ZC3H7B: variants seen among roughly 807,000 people sequenced by gnomAD.
ZC3H7B encodes zinc finger CCCH-type containing 7B, also known as zinc finger CCCH domain-containing protein 7B.
A neutral mutation model predicts 116.0 loss-of-function variants in ZC3H7B; 35 were observed. The ratio of observed to expected loss-of-function variants is 0.30; its 90% confidence interval spans 0.23 to 0.40. ZC3H7B has a LOEUF of 0.40. ZC3H7B is among the 10% of genes least tolerant of loss of function. The pLI is 1.00. For synonymous variants in ZC3H7B, 502 were observed against 545.6 expected (o/e 0.92, Z 1.11); for missense variants, 1,011 against 1,321.5 (o/e 0.77, Z 3.64).
chr22:41,353,695 C>G (rs1053433722), intron 17 of ZC3H7B, among the ~76,000 whole-genome samples: 2 of 152,248 alleles, frequency 1.3e-5, no homozygotes, highest in African/African-American at 4.8e-5. Flanking sequence ...TGGCAGGGAG[C>G]AGGGCAGGCT....
chr22:41,331,993 G>A (rs2036389616), intron 6 of ZC3H7B, among the ~76,000 whole-genome samples, 178 bp from the exon 7 acceptor site: 1 of 152,112 alleles, frequency 6.6e-6, no homozygotes, highest in East Asian at 1.9e-4. Context: ...GAAAACCCCA[G>A]AATCTGACCC....
chr22:41,355,993 G>T lies in ZC3H7B; in HGVS notation c.2314G>T (p.Val772Leu). ...HAQNGRKCQY[V>L]GNCSFAHSPE... is the part of the protein sequence containing the mutation. ...ACAGAACGGCCGCAAGTGCCAATATGTGGGGAACTGCTCCTTCGCACACAG... is the reference window on the plus strand; with the variant it reads ...ACAGAACGGCCGCAAGTGCCAATATTTGGGGAACTGCTCCTTCGCACACAG... The change falls in exon 20 of 23, where the codon GTG (valine) becomes TTG (leucine). Residue 772 changes from valine to leucine, a missense_variant. This residue lies in a region of ZC3H7B where 406 missense variants were observed against 590.2 expected (regional missense o/e 0.69). Coordinates refer to ENST00000352645, the MANE Select transcript of ZC3H7B (RefSeq NM_017590.6). The T allele has an allele frequency of 1.9e-6, 3 of 1,566,302 alleles. No homozygotes were observed. In the East Asian group the frequency reaches 6.7e-5, roughly 35 times the overall value.
chr22:41,317,269 G>A (rs561880414), intron 1 of ZC3H7B, among the ~76,000 whole-genome samples: 5 of 152,230 alleles, frequency 3.3e-5, no homozygotes, highest in South Asian at 2.1e-4. Flanking sequence ...ATGAGCCACC[G>A]TGCCCGGCCA....
chr22:41,357,544 G>T lies in ZC3H7B; in HGVS notation c.*115G>T, dbSNP rs980242348. 8 of 975,930 alleles carry T rather than the reference G, an allele frequency of 8.2e-6. No homozygotes were observed. The highest frequency in any genetic ancestry group is 6.6e-5 in the African/African-American group (4 of 60,456). 60.5% of individuals were successfully genotyped at this position (975,930 alleles called of 1,614,324 possible). On this transcript the variant is annotated 3_prime_UTR_variant, in exon 23 of 23. Transcript: ENST00000352645. The surrounding 1 kb of genome is among the most constrained non-coding windows in gnomAD (Gnocchi z 5.4). ...GGTGGGGGGCCGCCCTCATCAGGCA[G>T]CCCCCAGCCCCCTGAGGCCCTGTCC...
At chr22:41,332,114 C>A in intron 6 of ZC3H7B, 57 bp from the exon 7 acceptor site, 2 of 1,601,758 alleles carry the variant, frequency 1.2e-6, no homozygotes, top group Non-Finnish European at 8.5e-7. Flanking sequence ...GCTAAGGGGA[C>A]CTTGAGCATC....
In ZC3H7B at chr22:41,356,853, A is replaced by G. The variant is rs372763579; in HGVS notation, c.2681+45A>G. On this transcript the variant is annotated intron_variant, in intron 22 of 22. Coordinates refer to ENST00000352645, the MANE Select transcript of ZC3H7B (RefSeq NM_017590.6). ...GCCTGGCGGGACATGGGGTGGCCCG[A>G]GGAGATGGAGTCCGTGGCCAGCTCT... 3 of 1,608,250 alleles carry G rather than the reference A, an allele frequency of 1.9e-6. No individual in the cohort carries two copies. In the African/African-American group the frequency reaches 4.0e-5, roughly 22 times the overall value.
At position 41,346,338 on chromosome 22, in the gene ZC3H7B, C is replaced by G. The variant is rs956463965; in HGVS notation, c.1665+130C>G. On this transcript the variant is annotated intron_variant, in intron 14 of 22. Transcript: ENST00000352645. This position sits in a 1 kb window ranked among gnomAD's most constrained non-coding sequence, Gnocchi z 5.3. ...GGCTGTGGAGGCCTGGTCTTAGAACCAGTAGGTCCTGGAGGGTCAGTAAGT... is the reference window on the plus strand; with the variant it reads ...GGCTGTGGAGGCCTGGTCTTAGAACGAGTAGGTCCTGGAGGGTCAGTAAGT... 5.0e-6 allele frequency: 5 copies of G among 995,516 alleles called. No individual in the cohort carries two copies. The highest frequency in any genetic ancestry group is 7.4e-6 in the Non-Finnish European group (5 of 674,302). 61.7% of individuals were successfully genotyped at this position (995,516 alleles called of 1,614,324 possible).
chr22:41,331,957 C>A (rs1293349944), intron 6 of ZC3H7B, among the ~76,000 whole-genome samples: 1 of 152,150 alleles, frequency 6.6e-6, no homozygotes, highest in African/African-American at 2.4e-5. Context: ...CAGGGAGGTC[C>A]TCTGCCCAGG....
chr22:41,320,688 A>G lies in ZC3H7B; in HGVS notation c.28A>G (p.Ile10Val). 1 of 1,612,524 alleles carries G rather than the reference A, an allele frequency of 6.2e-7. No individual in the cohort carries two copies. Among genetic ancestry groups the G allele is most frequent in the Non-Finnish European group, 8.5e-7 (1 of 1,178,982 alleles). MERQKRKAD[I>V]EKGLQFIQST... ...GGAGAGGCAGAAACGGAAGGCGGACATCGAGAAAGGGCTGCAGTTCATTCA... is the reference window on the plus strand; with the variant it reads ...GGAGAGGCAGAAACGGAAGGCGGACGTCGAGAAAGGGCTGCAGTTCATTCA... Residue 10 changes from isoleucine (I) to valine (V), a missense_variant, in exon 2 of 23, where the codon ATC (isoleucine) becomes GTC (valine). Around this residue, in one of 5 missense-constraint regions of ZC3H7B, gnomAD observed 322 missense variants for 443.9 expected, o/e 0.73. Coordinates refer to ENST00000352645, the MANE Select transcript of ZC3H7B (RefSeq NM_017590.6).
chr22:41,349,596 G>C lies in ZC3H7B; in HGVS notation c.1948+295G>C, dbSNP rs531271896. On this transcript the variant is annotated intron_variant, in intron 16 of 22. Coordinates refer to ENST00000352645, the MANE Select transcript of ZC3H7B (RefSeq NM_017590.6). The surrounding 1 kb of genome is among the most constrained non-coding windows in gnomAD (Gnocchi z 4.9). The stretch of plus-strand genomic sequence containing the variant: ...AGGGGAGAGGAGCACCTGGGCTCCT[G>C]CAGCAGGACCTCTGCTTGCTCCCTG... 5.9e-5 allele frequency among the ~76,000 whole-genome samples: 9 copies of C among 152,288 alleles called. No individual in the cohort carries two copies. The highest frequency in any genetic ancestry group is 1.3e-4 in the Non-Finnish European group (9 of 68,006).
intron 6 of ZC3H7B, among the ~76,000 whole-genome samples, chr22:41,331,574 AAG>A (rs1441233445): frequency 6.6e-6 from 1 of 150,620 alleles, no homozygotes; most frequent in East Asian, 2.0e-4. Context: ...AAAAAAAAAA[AAG>A]AGAGAGCAAA....
chr22:41,356,891 C>T, intron 22 of ZC3H7B, 83 bp downstream of exon 22: 1 of 1,582,220 alleles, frequency 6.3e-7, no homozygotes, highest in Non-Finnish European at 8.6e-7. Context: ...CTCCTCTTGG[C>T]CTGGAGGTGG....
At chr22:41,309,363 G>GAGTGC (rs1378656530) in intron 1 of ZC3H7B, among the ~76,000 whole-genome samples, 4 of 151,446 alleles carry the variant, frequency 2.6e-5, no homozygotes, top group African/African-American at 9.7e-5. Flanking sequence ...GTCCAGGCTG[G>GAGTGC]AGTGCAGTGG....
chr22:41,325,203 G>A (rs1420485698), intron 2 of ZC3H7B, among the ~76,000 whole-genome samples: 2 of 152,044 alleles, frequency 1.3e-5, no homozygotes, highest in Admixed American at 1.3e-4. Context: ...GGTAGAGCTG[G>A]AACTGAGCTG....
chr22:41,355,868 C>A lies in ZC3H7B; in HGVS notation c.2274+6C>A, dbSNP rs367865150. On this transcript the variant is annotated splice_donor_region_variant and intron_variant, in intron 19 of 22. Transcript: ENST00000352645. Reference sequence around the variant, plus strand: ...ACTTCCCACAGCAATACGATGTGAGCGCTGGGATGGGGGGCTGGGGGTCCC... The same window carrying A: ...ACTTCCCACAGCAATACGATGTGAGAGCTGGGATGGGGGGCTGGGGGTCCC... 3.7e-6 allele frequency: 6 copies of A among 1,613,404 alleles called. No homozygotes were observed. Among genetic ancestry groups the A allele is most frequent in the South Asian group, 3.3e-5 (3 of 91,028 alleles).
intron 4 of ZC3H7B, among the ~76,000 whole-genome samples, chr22:41,326,538 C>CCTCCCATAGCCTCAGCCTCCTCACTGTTT (rs2036321815): frequency 6.6e-6 from 1 of 151,452 alleles, no homozygotes; most frequent in South Asian, 2.1e-4. Flanking sequence ...CCTCACTGTT[C>CCTCCCATAGCCTCAGCCTCCTCACTGTTT]CTCCCATAGC....
intron 6 of ZC3H7B, 114 bp from the exon 7 acceptor site, chr22:41,332,057 G>T: frequency 1.8e-6 from 2 of 1,082,842 alleles, no homozygotes; most frequent in East Asian, 4.8e-5. Flanking sequence ...ACTCTCGGGG[G>T]CGCTGCAGAC....
At position 41,349,374 on chromosome 22, in the gene ZC3H7B, C is replaced by A; in HGVS notation, c.1948+73C>A. On this transcript the variant is annotated intron_variant, in intron 16 of 22. Coordinates refer to ENST00000352645, the MANE Select transcript of ZC3H7B (RefSeq NM_017590.6). This position sits in a 1 kb window ranked among gnomAD's most constrained non-coding sequence, Gnocchi z 4.9. ...GTAGGCGGCGCAGGTGAAGGGAGCG[C>A]AGGACTGACTGGGGTGACAGGCCAG... The A allele has an allele frequency of 1.3e-6, 2 of 1,569,040 alleles. No homozygotes were observed. Among genetic ancestry groups the A allele is most frequent in the Non-Finnish European group, 1.7e-6 (2 of 1,155,536 alleles).
chr22:41,339,071 C>T lies in ZC3H7B; in HGVS notation c.696C>T (p.His232=), dbSNP rs139760808. ...CGCCCACGATGCCCCTGTTCCCTCACGTTCTGGACCTGCTGGCCCCCCTGG... is the reference window on the plus strand; with the variant it reads ...CGCCCACGATGCCCCTGTTCCCTCATGTTCTGGACCTGCTGGCCCCCCTGG... The part of the protein sequence containing the change: ...PSTPTMPLFP[H]VLDLLAPLDS... Residue 232 remains histidine (H), a synonymous_variant, in exon 9 of 23, where the codon CAC becomes CAT. Coordinates refer to ENST00000352645, the MANE Select transcript of ZC3H7B (RefSeq NM_017590.6). 6.0e-5 allele frequency: 97 copies of T among 1,612,876 alleles called. 1 individual carries two copies. The African/African-American group carries it at 8.1e-4, about 14-fold the overall frequency.
Sources: gnomAD v4.1 joint callset for allele counts (sites outside exome capture counted in the v4.1 genomes callset) on GRCh38, gnomAD v4.1.1 for gene constraint, gnomAD v4.1.1 regional missense constraint, Gnocchi (gnomAD v3.1) non-coding constraint, MANE v1.5 for transcripts, NCBI Gene and HGNC (gene_info 2026-07-23, HGNC 2026-07-21) for gene names.